LGSN: variants seen among roughly 807,000 people sequenced by gnomAD.
The protein encoded by LGSN is lengsin.
LGSN carries 21 observed loss-of-function variants against 19.5 expected under a neutral mutation model. That is an observed-to-expected ratio of 1.07 (90% confidence interval 0.76 to 1.55). The LOEUF (loss-of-function observed/expected upper bound fraction) is 1.55, where lower values mean the gene tolerates loss of function less well. Ranked by LOEUF, LGSN falls within the 40% of genes most tolerant of loss-of-function variation. The pLI is 0.00. For synonymous variants in LGSN, 257 were observed against 215.6 expected, an observed-to-expected ratio of 1.19 and a Z score of -1.68; for missense variants, 673 against 608.5, an observed-to-expected ratio of 1.11 and a Z score of -1.12.
chr6:63,352,602 A>G, the LGSN span, among the ~76,000 whole-genome samples: 1 of 151,638 alleles, frequency 6.6e-6, no homozygotes, highest in African/African-American at 2.4e-5. Context: ...TCAAGGCTTC[A>G]CTGAGCCATG....
chr6:63,374,652 C>T, the LGSN span, among the ~76,000 whole-genome samples: 3 of 152,176 alleles, frequency 2.0e-5, no homozygotes, highest in South Asian at 6.2e-4. Flanking sequence ...TGGCTTAAAA[C>T]AAGACAAAAG....
At chr6:63,504,636 G>T in the LGSN span, among the ~76,000 whole-genome samples, 57 of 152,178 alleles carry the variant, frequency 3.7e-4, no homozygotes, top group African/African-American at 1.3e-3. Flanking sequence ...TAGAGACAGG[G>T]TTTTGCCACG....
At chr6:63,540,273 A>G in the LGSN span, among the ~76,000 whole-genome samples, 1 of 150,130 alleles carries the variant, frequency 6.7e-6, no homozygotes, top group Non-Finnish European at 1.5e-5. Context: ...ATATAGAATC[A>G]TAGATAGATC....
rs1274609182 is a variant in LGSN at position 63,280,394 on chromosome 6, T to C, written c.1157A>G (p.Tyr386Cys). ...LKKSVPTTWGYNDNSCIFNIK... is the reference protein window; with the variant it reads ...LKKSVPTTWGCNDNSCIFNIK... ...ATTAAATATACAGCTGTTGTCATTG[T>C]ATCCCCATGTTGTAGGCACACTCTT... Residue 386 changes from tyrosine to cysteine, a missense_variant, in exon 4 of 4, where the codon TAC becomes TGC. Tyr to Cys is a radical substitution (Grantham distance 194). Transcript: ENST00000370657. The C allele has an allele frequency of 6.2e-7, 1 of 1,614,170 alleles. No individual in the cohort carries two copies.
the LGSN span, among the ~76,000 whole-genome samples, chr6:63,569,409 A>T: frequency 4.0e-4 from 61 of 152,158 alleles, no homozygotes; most frequent in Non-Finnish European, 5.7e-4. Context: ...GGTGCCTGCC[A>T]CCATGCCCAG....
At chr6:63,421,292 C>T in the LGSN span, among the ~76,000 whole-genome samples, 2 of 152,008 alleles carry the variant, frequency 1.3e-5, no homozygotes, top group African/African-American at 4.8e-5. Context: ...CGTGATGGCA[C>T]ACACCTGTAA....
At chr6:63,403,946 T>TTCTCTCTC in the LGSN span, among the ~76,000 whole-genome samples, 6 of 148,258 alleles carry the variant, frequency 4.0e-5, no homozygotes, top group African/African-American at 1.5e-4. Flanking sequence ...GCCTCTCTCT[T>TTCTCTCTC]TCTCTCTCTC....
intron 3 of LGSN, among the ~76,000 whole-genome samples, chr6:63,282,031 G>A (rs1469732958): frequency 6.6e-6 from 1 of 152,154 alleles, no homozygotes; most frequent in African/African-American, 2.4e-5. Flanking sequence ...TTCCACATCA[G>A]TAAAACAAGT....
the LGSN span, chr6:63,549,154 T>A: frequency 1.5e-5 from 10 of 685,084 alleles, no homozygotes; most frequent in Non-Finnish European, 2.1e-5. Flanking sequence ...GCTTTCTTTT[T>A]GGCCAGGGCC....
At chr6:63,314,308 T>A (rs971992333) in intron 1 of LGSN, among the ~76,000 whole-genome samples, 4 of 152,166 alleles carry the variant, frequency 2.6e-5, no homozygotes, top group African/African-American at 9.7e-5. Flanking sequence ...GATACAAGAA[T>A]ATGTACATCT....
the LGSN span, among the ~76,000 whole-genome samples, chr6:63,515,803 G>A: frequency 6.6e-6 from 1 of 151,948 alleles, no homozygotes; most frequent in Non-Finnish European, 1.5e-5. Context: ...TGAAATGGAA[G>A]GAAGAAAGGA....
At chr6:63,403,676 T>C in the LGSN span, among the ~76,000 whole-genome samples, 1 of 152,116 alleles carries the variant, frequency 6.6e-6, no homozygotes, top group Non-Finnish European at 1.5e-5. Flanking sequence ...ATATCTAGAA[T>C]GACAGAGGTG....
the LGSN span, among the ~76,000 whole-genome samples, chr6:63,530,596 T>G: frequency 1.3e-3 from 192 of 152,274 alleles, 1 homozygote; most frequent in Non-Finnish European, 3.8e-4. Context: ...GAGGCCCTTC[T>G]GTGCTAAATC....
the LGSN span, among the ~76,000 whole-genome samples, chr6:63,429,380 A>G: frequency 6.6e-6 from 1 of 152,276 alleles, no homozygotes; most frequent in African/African-American, 2.4e-5. Flanking sequence ...TGAAAGAACT[A>G]TGCTATATTA....
At chr6:63,333,612 G>A in the LGSN span, among the ~76,000 whole-genome samples, 6 of 126,290 alleles carry the variant, frequency 4.8e-5, no homozygotes, top group African/African-American at 2.0e-4. Context: ...GGAGGGAAGG[G>A]AGGGAGGGAG....
chr6:63,438,666 C>T, the LGSN span, among the ~76,000 whole-genome samples: 4 of 152,176 alleles, frequency 2.6e-5, no homozygotes, highest in African/African-American at 9.7e-5. Context: ...TACCATCTCA[C>T]ACCAGTTAGA....
At chr6:63,380,207 A>G in the LGSN span, among the ~76,000 whole-genome samples, 1 of 152,188 alleles carries the variant, frequency 6.6e-6, no homozygotes, top group Non-Finnish European at 1.5e-5. Flanking sequence ...GTTTTGCATT[A>G]TTTAAATGTG....
the LGSN span, among the ~76,000 whole-genome samples, chr6:63,442,087 T>C: frequency 6.6e-6 from 1 of 152,206 alleles, no homozygotes. Context: ...CTGTGAGTGT[T>C]ACAGCTCTTA....
the LGSN span, among the ~76,000 whole-genome samples, chr6:63,376,941 A>G: frequency 0.01 from 1,539 of 152,298 alleles, 20 homozygotes; most frequent in Non-Finnish European, 0.012. Flanking sequence ...AGAACAAAAG[A>G]AAAATATAGT....
Sources: gnomAD v4.1 joint callset for allele counts (sites outside exome capture counted in the v4.1 genomes callset) on GRCh38, gnomAD v4.1.1 for gene constraint, MANE v1.5 for transcripts, NCBI Gene and HGNC (gene_info 2026-07-23, HGNC 2026-07-21) for gene names.